CLDN10: variants seen among roughly 807,000 people sequenced by gnomAD.
CLDN10 encodes claudin-10.
In CLDN10, 15 loss-of-function variants were observed where a neutral mutation model predicts 22.9. The ratio of observed to expected loss-of-function variants is 0.65; its 90% CI spans 0.44 to 1.01. The LOEUF (loss-of-function observed/expected upper bound fraction) is 1.01. Ranked by LOEUF, CLDN10 falls within the 50% of genes least tolerant of loss-of-function variation. The pLI is 0.00. For synonymous variants in CLDN10, 114 were observed against 111.4 expected (o/e 1.02, Z -0.15); for missense variants, 247 against 287.8 (o/e 0.86, Z 1.03).
chr13:95,435,653 G>C (rs2042261627), intron 1 of CLDN10, among the ~76,000 whole-genome samples: 1 of 152,100 alleles, frequency 6.6e-6, no homozygotes, highest in Non-Finnish European at 1.5e-5. Flanking sequence ...CCTAGAAACA[G>C]AGGAAAAGAA....
chr13:95,546,239 A>G (rs900328101), intron 1 of CLDN10, among the ~76,000 whole-genome samples: 6 of 152,142 alleles, frequency 3.9e-5, no homozygotes, highest in African/African-American at 1.4e-4. Context: ...TACTCTGTAC[A>G]CAAAGAGTTG....
At chr13:95,522,566 G>T (rs149896650) in intron 1 of CLDN10, among the ~76,000 whole-genome samples, 1 of 152,116 alleles carries the variant, frequency 6.6e-6, no homozygotes, top group African/African-American at 2.4e-5. Flanking sequence ...TGATTCTTGG[G>T]TGATGTATAG....
chr13:95,573,740 TG>T (rs2043890359), intron 3 of CLDN10, among the ~76,000 whole-genome samples: 2 of 151,792 alleles, frequency 1.3e-5, no homozygotes, highest in Non-Finnish European at 2.9e-5. Flanking sequence ...TGTGTGTGTG[TG>T]TACCTCTAAG....
chr13:95,493,453 T>C (rs1203513941), intron 1 of CLDN10, among the ~76,000 whole-genome samples: 1 of 152,074 alleles, frequency 6.6e-6, no homozygotes, highest in Admixed American at 6.6e-5. Flanking sequence ...ACCCATTAGA[T>C]GGTAACTCCC....
chr13:95,463,044 T>C (rs1315380750), intron 1 of CLDN10, among the ~76,000 whole-genome samples: 1 of 151,992 alleles, frequency 6.6e-6, no homozygotes, highest in Non-Finnish European at 1.5e-5. Context: ...TTCTGAAATG[T>C]TTCTCATGTA....
upstream of CLDN10, among the ~76,000 whole-genome samples, chr13:95,551,312 A>T (rs1175450061): frequency 1.3e-5 from 2 of 152,206 alleles, no homozygotes; most frequent in African/African-American, 4.8e-5. Flanking sequence ...AACAGAATAG[A>T]TACGTTGCCA....
chr13:95,542,041 G>A (rs142090498), intron 1 of CLDN10, among the ~76,000 whole-genome samples: 20 of 152,278 alleles, frequency 1.3e-4, no homozygotes, highest in Admixed American at 2.6e-4. Flanking sequence ...CAATCATTGC[G>A]GAAGATGAAG....
chr13:95,571,069 CTAAT>C (rs55920553), intron 3 of CLDN10, among the ~76,000 whole-genome samples: 39,641 of 151,274 alleles, frequency 0.26, 6,162 homozygotes, highest in Non-Finnish European at 0.35. Context: ...ATCTGCTTCC[CTAAT>C]TAGTTAATGA....
At chr13:95,459,741 T>C (rs2042516995) in intron 1 of CLDN10, among the ~76,000 whole-genome samples, 1 of 152,224 alleles carries the variant, frequency 6.6e-6, no homozygotes, top group South Asian at 2.1e-4. Flanking sequence ...ATTGTCTTGG[T>C]GACTAACATT....
At chr13:95,497,153 T>C (rs1206945009) in intron 1 of CLDN10, 3 of 152,172 alleles carry the variant, frequency 2.0e-5, no homozygotes, top group Non-Finnish European at 4.4e-5. Flanking sequence ...GCTATAATCA[T>C]GAAATGTCAG....
At chr13:95,564,516 A>G (rs1297112343) in intron 3 of CLDN10, among the ~76,000 whole-genome samples, 3 of 151,874 alleles carry the variant, frequency 2.0e-5, no homozygotes, top group Non-Finnish European at 4.4e-5. Context: ...CCAATACCCA[A>G]CCCCTAAGGA....
chr13:95,509,249 GT>G (rs2043070674), intron 1 of CLDN10, among the ~76,000 whole-genome samples: 2 of 152,174 alleles, frequency 1.3e-5, no homozygotes, highest in South Asian at 4.1e-4. Context: ...AATAACTAAG[GT>G]TTGTAATGTA....
intron 1 of CLDN10, among the ~76,000 whole-genome samples, chr13:95,439,612 G>T (rs113924976): frequency 2.0e-5 from 3 of 151,958 alleles, no homozygotes; most frequent in African/African-American, 4.8e-5. Flanking sequence ...GGGATTACAC[G>T]CATGAGCCAC....
intron 1 of CLDN10, among the ~76,000 whole-genome samples, chr13:95,462,616 T>A (rs2042545376): frequency 6.6e-6 from 1 of 152,182 alleles, no homozygotes; most frequent in African/African-American, 2.4e-5. Context: ...AGTCAGGGCC[T>A]GGGGACCACT....
chr13:95,442,158 C>CA (rs1432974508), intron 1 of CLDN10, among the ~76,000 whole-genome samples: 5 of 151,986 alleles, frequency 3.3e-5, no homozygotes, highest in African/African-American at 1.2e-4. Flanking sequence ...CTCAAAAAAG[C>CA]AAAAAACAAC....
intron 1 of CLDN10, among the ~76,000 whole-genome samples, chr13:95,520,603 C>A (rs576217927): frequency 1.3e-5 from 2 of 152,280 alleles, no homozygotes; most frequent in African/African-American, 4.8e-5. Context: ...AAACTCCTGA[C>A]CTCCGGTGAT....
At chr13:95,451,477 C>G (rs946841461) in intron 1 of CLDN10, among the ~76,000 whole-genome samples, 1 of 152,198 alleles carries the variant, frequency 6.6e-6, no homozygotes, top group African/African-American at 2.4e-5. Flanking sequence ...GTCACCCAGG[C>G]TAGGGTACAG....
intron 3 of CLDN10, among the ~76,000 whole-genome samples, chr13:95,574,963 A>AG: frequency 6.6e-6 from 1 of 152,264 alleles, no homozygotes; most frequent in East Asian, 1.9e-4. Flanking sequence ...TGCTCCTTTC[A>AG]GTGAACTCAT....
chr13:95,513,601 A>AT (rs1199224956), intron 1 of CLDN10, among the ~76,000 whole-genome samples: 2 of 141,888 alleles, frequency 1.4e-5, no homozygotes, highest in African/African-American at 4.9e-5. Flanking sequence ...ATAAAAAATT[A>AT]TTTTTTTAAA....
Sources: allele counts gnomAD v4.1 joint callset (sites outside exome capture counted in the v4.1 genomes callset), GRCh38; gene constraint gnomAD v4.1.1; transcripts MANE v1.5; gene names NCBI Gene and HGNC (gene_info 2026-07-23, HGNC 2026-07-21).